Variants in MISP observed in about 807,000 individuals in gnomAD.
The protein encoded by MISP is mitotic interactor and substrate of PLK1.
In MISP, 51 loss-of-function variants were observed where a neutral mutation model predicts 49.3. The ratio of observed to expected loss-of-function variants is 1.03; its 90% CI spans 0.83 to 1.31. The LOEUF is 1.31. MISP is among the 50% of genes most tolerant of loss of function. MISP has a pLI of 0.00. For missense variants in MISP, 1,084 were observed against 935.1 expected (o/e 1.16, Z -2.08); for synonymous variants, 444 against 392.6 (o/e 1.13, Z -1.55).
chr19:757,799 C>G lies in MISP; in HGVS notation c.853C>G (p.Pro285Ala). ...TGGCTCCTTGGCCTCAGTGGAGTCC[C>G]CGGGGACCCCCAAGGAGACGCCCAT... The part of the protein sequence containing the change: ...DPGSLASVES[P>A]GTPKETPIER... The change falls in exon 2 of 5, where the codon CCG (proline) becomes GCG (alanine). Residue 285 changes from proline to alanine, a missense_variant. By Grantham distance (27) the Pro-to-Ala change is conservative. Transcript: ENST00000215582. 1 of 1,612,216 alleles carries G rather than the reference C, an allele frequency of 6.2e-7. No individual in the cohort carries two copies. Among genetic ancestry groups the G allele is most frequent in the African/African-American group, 1.3e-5 (1 of 75,010 alleles).
chr19:760,322 A>T, intron 3 of MISP: 6 of 264,594 alleles, frequency 2.3e-5, no homozygotes, highest in East Asian at 8.4e-5. Context: ...TGCTTGGAGG[A>T]GGAGGACACT....
intron 1 of MISP, among the ~76,000 whole-genome samples, chr19:752,976 AT>A (rs1004853764): frequency 6.6e-6 from 1 of 152,090 alleles, no homozygotes; most frequent in Non-Finnish European, 1.5e-5. Context: ...CCCAGCCAGT[AT>A]TTATTAGGCG....
chr19:760,685 A>AAG (rs67394691), intron 3 of MISP, among the ~76,000 whole-genome samples: 16,222 of 149,510 alleles, frequency 0.11, 1,028 homozygotes, highest in Admixed American at 0.18. Flanking sequence ...ACTTCTAAGA[A>AAG]AGAGAGAGAG....
At chr19:754,780 C>G (rs2033519169) in intron 1 of MISP, among the ~76,000 whole-genome samples, 2 of 152,156 alleles carry the variant, frequency 1.3e-5, no homozygotes, top group Non-Finnish European at 2.9e-5. Context: ...GAAGCAGAAA[C>G]AGGCAGCCTC....
intron 4 of MISP, among the ~76,000 whole-genome samples, chr19:762,244 G>A (rs1199194609): frequency 3.5e-5 from 5 of 142,764 alleles, no homozygotes; most frequent in African/African-American, 7.9e-5. Context: ...GAGCCACCGC[G>A]CCCGGCCAAG....
At chr19:753,281 A>G (rs2033487974) in intron 1 of MISP, among the ~76,000 whole-genome samples, 1 of 151,712 alleles carries the variant, frequency 6.6e-6, no homozygotes, top group South Asian at 2.1e-4. Context: ...TGCATGACAC[A>G]TTGCGTGTAG....
rs771927186 is a variant in MISP at position 757,839 on chromosome 19, G to A, written c.893G>A (p.Arg298His). 7 of 1,611,582 alleles carry A rather than the reference G, an allele frequency of 4.3e-6. No individual in the cohort carries two copies. The highest frequency in any genetic ancestry group is 1.1e-5 in the South Asian group (1 of 91,014). The change falls in exon 2 of 5, where the codon CGT becomes CAT. Residue 298 changes from arginine (R) to histidine (H), a missense_variant. Transcript: ENST00000215582. ...PKETPIEREI[R>H]LAQEREADLR... ...GAGACGCCCATCGAGCGGGAGATCC[G>A]TCTGGCTCAGGAGCGTGAGGCAGAC...
chr19:750,765 C>T (rs1056974975), upstream of MISP, among the ~76,000 whole-genome samples: 12 of 152,192 alleles, frequency 7.9e-5, no homozygotes, highest in African/African-American at 1.4e-4. Context: ...CCTCCGGCCC[C>T]CCAGGAGACA....
chr19:749,868 GC>G (rs1417274685), upstream of MISP, among the ~76,000 whole-genome samples: 1 of 151,876 alleles, frequency 6.6e-6, no homozygotes, highest in African/African-American at 2.4e-5. Context: ...GAGCAGCCCT[GC>G]TGGATTCGTA....
At position 757,300 on chromosome 19, in the gene MISP, C is replaced by A; in HGVS notation, c.354C>A (p.Asp118Glu). ...TWALRPEDGE[D>E]KEMKTYRLDA... ...CACTCCGCCCAGAGGACGGGGAGGACAAGGAGATGAAGACCTACCGCCTGG... is the reference window on the plus strand; with the variant it reads ...CACTCCGCCCAGAGGACGGGGAGGAAAAGGAGATGAAGACCTACCGCCTGG... Residue 118 changes from aspartate to glutamate, a missense_variant, in exon 2 of 5, where the codon GAC (aspartate) becomes GAA (glutamate). By Grantham distance (45) the Asp-to-Glu change is conservative (BLOSUM62 2). Coordinates refer to ENST00000215582, the MANE Select transcript of MISP (RefSeq NM_173481.4). 2 of 1,614,022 alleles carry A rather than the reference C, an allele frequency of 1.2e-6. No homozygotes were observed. Among genetic ancestry groups the A allele is most frequent in the Non-Finnish European group, 1.7e-6 (2 of 1,179,984 alleles).
chr19:754,550 C>A (rs560665357), intron 1 of MISP, among the ~76,000 whole-genome samples: 1 of 152,360 alleles, frequency 6.6e-6, no homozygotes, highest in African/African-American at 2.4e-5. Context: ...TTGCTTGAAC[C>A]CGGGAGGTGG....
In MISP at chr19:757,089, C is replaced by T. The variant is rs373218224; in HGVS notation, c.143C>T (p.Pro48Leu). Residue 48 changes from proline to leucine, a missense_variant, in exon 2 of 5, where the codon CCG becomes CTG. Transcript: ENST00000215582. ...GCCAGCGGCTGGGGCCAGGATGAGC[C>T]GCAGACATGGCCCACTGACCACAGG... is the stretch of plus-strand genomic sequence containing the variant. ...PEASGWGQDE[P>L]QTWPTDHRAQ... The T allele has an allele frequency of 4.0e-5, 65 of 1,612,868 alleles. No homozygotes were observed. The highest frequency in any genetic ancestry group is 2.8e-4 in the African/African-American group (21 of 75,064).
At position 757,361 on chromosome 19, in the gene MISP, C is replaced by A. The variant is rs1487299413; in HGVS notation, c.415C>A (p.Leu139Met). The change falls in exon 2 of 5, where the codon CTG becomes ATG. Residue 139 changes from leucine (L) to methionine (M), a missense_variant. Coordinates refer to ENST00000215582, the MANE Select transcript of MISP (RefSeq NM_173481.4). ...CGCTGACCCCAGGAGGCTGTGTGAC[C>A]TGGAGCGGGAGCGCTGGGCCGTCAT... ...GDADPRRLCD[L>M]ERERWAVIQG... 4 of 1,613,196 alleles carry A rather than the reference C, an allele frequency of 2.5e-6. No homozygotes were observed. In the African/African-American group the frequency reaches 5.3e-5, roughly 22 times the overall value.
At chr19:754,341 G>A (rs538548661) in intron 1 of MISP, among the ~76,000 whole-genome samples, 102 of 152,342 alleles carry the variant, frequency 6.7e-4, no homozygotes, top group Admixed American at 4.0e-3. Context: ...GCGGGCGCCC[G>A]TAGTCCCAGC....
chr19:753,371 C>CT (rs920693192), intron 1 of MISP, among the ~76,000 whole-genome samples: 4 of 149,040 alleles, frequency 2.7e-5, no homozygotes, highest in African/African-American at 7.4e-5. Context: ...CTAAGTTTTT[C>CT]TTTTTTTTTC....
In MISP at chr19:757,987, G is replaced by T; in HGVS notation, c.1041G>T (p.Pro347=). Reference sequence around the variant, plus strand: ...CCCCACGGCGGGAGAGAGGGCGCCCGTCCCTCTACGTGCAGCGGGACATAG... The same window carrying T: ...CCCCACGGCGGGAGAGAGGGCGCCCTTCCCTCTACGTGCAGCGGGACATAG... ...ITAPRRERGR[P]SLYVQRDIVQ... is the part of the protein sequence containing the mutation. The change falls in exon 2 of 5, where the codon CCG becomes CCT. Residue 347 remains proline (P), a synonymous_variant. Coordinates refer to ENST00000215582, the MANE Select transcript of MISP (RefSeq NM_173481.4). The T allele has an allele frequency of 1.3e-6, 2 of 1,577,614 alleles. No individual in the cohort carries two copies. The highest frequency in any genetic ancestry group is 1.3e-5 in the African/African-American group (1 of 74,410).
At chr19:749,646 C>T (rs996165246), upstream of MISP, among the ~76,000 whole-genome samples, 5 of 152,276 alleles carry the variant, frequency 3.3e-5, no homozygotes, top group South Asian at 2.1e-4. Context: ...GCCTGGCTAA[C>T]GTGGCAAAAC....
chr19:761,670 A>G lies in MISP; in HGVS notation c.1950+7A>G. The G allele has an allele frequency of 6.2e-7, 1 of 1,614,054 alleles. No individual in the cohort carries two copies. Among genetic ancestry groups the G allele is most frequent in the Non-Finnish European group, 8.5e-7 (1 of 1,179,958 alleles). ...GGACGGTATCAACTCAGAGGTGAGT[A>G]TGCTCCTGGGCACGAAGACTCAAGT... On this transcript the variant is annotated splice_region_variant and intron_variant, in intron 4 of 4. Transcript: ENST00000215582.
upstream of MISP, among the ~76,000 whole-genome samples, chr19:750,876 G>A (rs930640656): frequency 6.6e-6 from 1 of 152,186 alleles, no homozygotes; most frequent in African/African-American, 2.4e-5. Flanking sequence ...AGCCAAGGGA[G>A]GTTTCGGCTG....
Sources: gnomAD v4.1 joint callset for allele counts (sites outside exome capture counted in the v4.1 genomes callset) on GRCh38, gnomAD v4.1.1 for gene constraint, MANE v1.5 for transcripts, NCBI Gene and HGNC (gene_info 2026-07-23, HGNC 2026-07-21) for gene names.